KDM4C: variants seen among roughly 807,000 people sequenced by gnomAD.
The protein encoded by KDM4C is lysine demethylase 4C, also known as lysine-specific demethylase 4C.
Under a neutral mutation model 129.3 loss-of-function variants are expected in KDM4C, and 81 were observed. The observed-to-expected ratio is 0.63, with a 90% CI of 0.52 to 0.75. KDM4C has a LOEUF of 0.75. Ranked by LOEUF, KDM4C falls within the 30% of genes least tolerant of loss-of-function variation. The pLI is 0.00. For missense variants in KDM4C, 1,457 were observed against 1,304.0 expected, an observed-to-expected ratio of 1.12 and a Z score of -1.81; for synonymous variants, 573 against 456.1, an observed-to-expected ratio of 1.26 and a Z score of -3.26.
rs147427247 is a variant in KDM4C at position 6,881,780 on chromosome 9, A to G, written c.679+1719A>G. 6.5e-3 allele frequency among the ~76,000 whole-genome samples: 984 copies of G among 152,332 alleles called. 17 individuals are homozygous for G. Among genetic ancestry groups the G allele is most frequent in the African/African-American group, 0.023 (944 of 41,580 alleles). The stretch of plus-strand genomic sequence containing the variant: ...GCAGCAATATTTTGAGGAATAAAGC[A>G]GGGAAAAGACCCTGCAAGATAGTGA... On this transcript the variant is annotated intron_variant, in intron 6 of 21. Coordinates refer to ENST00000381309, the MANE Select transcript of KDM4C (RefSeq NM_015061.6).
chr9:7,109,093 A>G (rs1838026180), intron 18 of KDM4C, among the ~76,000 whole-genome samples: 1 of 152,186 alleles, frequency 6.6e-6, no homozygotes, highest in African/African-American at 2.4e-5. Flanking sequence ...GTAGAAGTGA[A>G]TGCAGCCTAT....
intron 12 of KDM4C, among the ~76,000 whole-genome samples, chr9:7,006,988 C>T (rs773705413): frequency 4.6e-5 from 7 of 152,110 alleles, no homozygotes; most frequent in Non-Finnish European, 8.8e-5. Flanking sequence ...TTGAAAACAG[C>T]TATTGAAGGT....
At chr9:6,960,836 AT>A (rs2131597281) in intron 8 of KDM4C, among the ~76,000 whole-genome samples, 1 of 139,018 alleles carries the variant, frequency 7.2e-6, no homozygotes, top group South Asian at 2.7e-4. Context: ...GCCTTCAGGC[AT>A]TCTCAAATAT....
intron 1 of KDM4C, among the ~76,000 whole-genome samples, chr9:6,723,116 G>C (rs947525785): frequency 3.3e-5 from 5 of 152,260 alleles, no homozygotes; most frequent in Admixed American, 3.3e-4. Flanking sequence ...ATGCTTGGCT[G>C]GGCGCCATAC....
chr9:6,817,395 G>A (rs987477532), intron 4 of KDM4C, among the ~76,000 whole-genome samples: 1 of 151,918 alleles, frequency 6.6e-6, no homozygotes. Context: ...TGTAAAGACA[G>A]GGTCTTCCTA....
intron 17 of KDM4C, among the ~76,000 whole-genome samples, chr9:7,071,668 T>A (rs953046883): frequency 3.3e-5 from 5 of 152,166 alleles, no homozygotes; most frequent in Admixed American, 6.5e-5. Flanking sequence ...ATAAAACTTA[T>A]AGAAGAAAAT....
intron 2 of KDM4C, among the ~76,000 whole-genome samples, chr9:6,797,750 TTCC>T (rs1828027642): frequency 6.6e-6 from 1 of 152,256 alleles, no homozygotes; most frequent in Admixed American, 6.5e-5. Flanking sequence ...ACTCTTTCTC[TTCC>T]TCCTCCTTGC....
intron 8 of KDM4C, among the ~76,000 whole-genome samples, chr9:6,928,420 G>T (rs1823031148): frequency 6.6e-6 from 1 of 152,200 alleles, no homozygotes; most frequent in African/African-American, 2.4e-5. Flanking sequence ...CTCTTGTCCA[G>T]AACAGGGCTG....
At chr9:6,938,867 G>T (rs560998721) in intron 8 of KDM4C, among the ~76,000 whole-genome samples, 24 of 151,998 alleles carry the variant, frequency 1.6e-4, no homozygotes, top group African/African-American at 5.8e-4. Flanking sequence ...AAATATTATT[G>T]TTCTTTCATA....
intron 17 of KDM4C, among the ~76,000 whole-genome samples, chr9:7,049,547 T>C (rs1829863673): frequency 6.6e-6 from 1 of 152,146 alleles, no homozygotes; most frequent in Non-Finnish European, 1.5e-5. Flanking sequence ...TTTTCTCTCT[T>C]GACTCTCTTT....
At chr9:7,170,404 T>G in intron 21 of KDM4C, 1 of 993,614 alleles carries the variant, frequency 1.0e-6, no homozygotes, top group Non-Finnish European at 1.2e-6. Context: ...ATAAAAGGGA[T>G]AAACAAAGCC....
chr9:6,838,800 T>C (rs1170054607), intron 4 of KDM4C, among the ~76,000 whole-genome samples: 2 of 152,184 alleles, frequency 1.3e-5, no homozygotes, highest in African/African-American at 4.8e-5. Context: ...TGTCAAACAT[T>C]ATGATTAACT....
intron 8 of KDM4C, among the ~76,000 whole-genome samples, chr9:6,904,969 CA>C (rs1373192982): frequency 6.6e-6 from 1 of 151,878 alleles, no homozygotes. Context: ...AACAAACAAA[CA>C]AAAAAATCCT....
chr9:6,849,311 C>G (rs1162396124), intron 4 of KDM4C, among the ~76,000 whole-genome samples, 196 bp from the exon 5 acceptor site: 1 of 152,158 alleles, frequency 6.6e-6, no homozygotes, highest in Non-Finnish European at 1.5e-5. Flanking sequence ...CCACATTATG[C>G]TGGTAGTAAT....
intron 3 of KDM4C, among the ~76,000 whole-genome samples, chr9:6,810,980 A>G (rs181723308): frequency 2.5e-3 from 379 of 152,282 alleles, no homozygotes; most frequent in African/African-American, 1.7e-3. Context: ...TATTTTTTGT[A>G]TTTCTTCTGC....
chr9:6,853,097 G>A (rs954919171), intron 5 of KDM4C, among the ~76,000 whole-genome samples: 5 of 151,880 alleles, frequency 3.3e-5, no homozygotes, highest in Admixed American at 1.3e-4. Context: ...CTATAGGAGC[G>A]ATGCCCTGTA....
chr9:6,894,347 G>A (rs1846522942), intron 8 of KDM4C, among the ~76,000 whole-genome samples: 1 of 152,202 alleles, frequency 6.6e-6, no homozygotes, highest in African/African-American at 2.4e-5. Flanking sequence ...GAGTAATTCA[G>A]AAAGGAACAG....
chr9:6,781,890 C>G (rs1307012668), intron 1 of KDM4C, among the ~76,000 whole-genome samples: 6 of 150,064 alleles, frequency 4.0e-5, no homozygotes, highest in African/African-American at 1.5e-4. Flanking sequence ...GTGGCATTAT[C>G]TCGGCTCACC....
intron 4 of KDM4C, among the ~76,000 whole-genome samples, chr9:6,837,360 A>G (rs1836071901): frequency 6.6e-6 from 1 of 152,178 alleles, no homozygotes; most frequent in Admixed American, 6.6e-5. Flanking sequence ...CCCAGCTTAT[A>G]ATCATTATTA....
Sources: gnomAD v4.1 joint callset for allele counts (sites outside exome capture counted in the v4.1 genomes callset) on GRCh38, gnomAD v4.1.1 for gene constraint, MANE v1.5 for transcripts, NCBI Gene and HGNC (gene_info 2026-07-23, HGNC 2026-07-21) for gene names.